Variants in ZNF143 observed in about 807,000 individuals in gnomAD.
The protein encoded by ZNF143 is SPH-binding factor.
ZNF143 carries 49 observed loss-of-function variants against 74.1 expected under a neutral mutation model. The observed-to-expected ratio is 0.66, with a 90% confidence interval of 0.53 to 0.84. The LOEUF (loss-of-function observed/expected upper bound fraction) is 0.84, where lower values mean the gene tolerates loss of function less well. Among genes scored for constraint, ZNF143 ranks in the 40% least tolerant of loss-of-function variants. The pLI, the probability that ZNF143 is intolerant of heterozygous loss-of-function variation, is 0.00. For missense variants in ZNF143, 637 were observed against 793.4 expected, an observed-to-expected ratio of 0.80 and a Z score of 2.37; for synonymous variants, 304 against 282.8, an observed-to-expected ratio of 1.07 and a Z score of -0.75.
chr11:9,494,559 C>T (rs1185371059), intron 7 of ZNF143, 87 bp from the exon 8 acceptor site: 3 of 1,374,832 alleles, frequency 2.2e-6, no homozygotes, highest in South Asian at 1.3e-5. Flanking sequence ...GATCCGCCTA[C>T]CTCTGCCTCC....
intron 7 of ZNF143, among the ~76,000 whole-genome samples, chr11:9,485,764 A>G (rs938502656): frequency 6.6e-6 from 1 of 151,582 alleles, no homozygotes; most frequent in Admixed American, 6.6e-5. Context: ...TAAAAATTCA[A>G]GTTGTTTTTA....
intron 6 of ZNF143, 30 bp from the exon 7 acceptor site, chr11:9,479,442 A>T (rs749371405): frequency 4.4e-5 from 69 of 1,580,994 alleles, no homozygotes; most frequent in Non-Finnish European, 5.3e-5. Flanking sequence ...AAAATGTAAA[A>T]CATTTTAAAG....
intron 7 of ZNF143, among the ~76,000 whole-genome samples, chr11:9,486,726 T>C (rs1847567998): frequency 6.7e-6 from 1 of 149,952 alleles, no homozygotes; most frequent in South Asian, 2.1e-4. Context: ...TGGAGTGCAG[T>C]GGTGTAATCT....
At chr11:9,500,590 T>C (rs1470895) in intron 10 of ZNF143, among the ~76,000 whole-genome samples, 76,511 of 151,398 alleles carry the variant, frequency 0.51, 19,590 homozygotes, top group Non-Finnish European at 0.53. Context: ...CCCGGCACCA[T>C]GCCCAGCTAA....
At chr11:9,493,158 C>T (rs1565045159) in intron 7 of ZNF143, among the ~76,000 whole-genome samples, 1 of 151,520 alleles carries the variant, frequency 6.6e-6, no homozygotes, top group Non-Finnish European at 1.5e-5. Flanking sequence ...TAACCTCCGC[C>T]TCCCAGGTTC....
In ZNF143 at chr11:9,497,815, A is replaced by G. The variant is rs1848014878; in HGVS notation, c.967+15A>G. ...AACTCATACAGGTACTAGTGGAAAC[A>G]GAGTGTCAAAATCTTTTTTTTTTTT... On this transcript the variant is annotated intron_variant, in intron 10 of 15. Transcript: ENST00000396602. The G allele has an allele frequency of 1.9e-6, 3 of 1,539,314 alleles. No homozygotes were observed. Among genetic ancestry groups the G allele is most frequent in the Admixed American group, 4.3e-5 (2 of 46,992 alleles).
At chr11:9,512,296 A>G in intron 12 of ZNF143, 152 bp from the exon 13 acceptor site, 1 of 895,304 alleles carries the variant, frequency 1.1e-6, no homozygotes, top group Non-Finnish European at 1.6e-6. Flanking sequence ...AGGTGGAGGA[A>G]TTGGAAGGAG....
At chr11:9,479,937 A>G (rs10840246) in intron 7 of ZNF143, among the ~76,000 whole-genome samples, 7,683 of 152,190 alleles carry the variant, frequency 0.05, 268 homozygotes, top group South Asian at 0.076. Flanking sequence ...TGCTTTTTGT[A>G]TTTTTAAATT....
Position 9,527,671 on chromosome 11 carries a change from A to G in ZNF143, c.*58A>G. The G allele has an allele frequency of 6.5e-7, 1 of 1,533,050 alleles. No individual in the cohort carries two copies. Among genetic ancestry groups the G allele is most frequent in the Non-Finnish European group, 9.0e-7 (1 of 1,108,696 alleles). The allele number at this position is 1,533,050 out of a possible 1,614,324, so 95.0% of individuals were successfully genotyped here. ...AGTCTTTCATCTTCTGGCAGCAGAA[A>G]TCCATGAAGCCCGGGCCCAGGAAAA... On this transcript the variant is annotated 3_prime_UTR_variant, in exon 16 of 16. Coordinates refer to ENST00000396602, the MANE Select transcript of ZNF143 (RefSeq NM_003442.6).
At chr11:9,493,935 A>C (rs1847871388) in intron 7 of ZNF143, among the ~76,000 whole-genome samples, 1 of 152,102 alleles carries the variant, frequency 6.6e-6, no homozygotes. Context: ...GAAATGACCT[A>C]CCCCTTTCTC....
chr11:9,502,487 A>G lies in ZNF143; in HGVS notation c.1147+1217A>G, dbSNP rs189176039. ...TAGCCGGGCATGGTGGCGGGTGCCT[A>G]TAGTCCCAGCTACTCCGGAGGCTGA... On this transcript the variant is annotated intron_variant, in intron 11 of 15. Transcript: ENST00000396602. 2.2e-3 allele frequency among the ~76,000 whole-genome samples: 334 copies of G among 150,588 alleles called. 2 individuals are homozygous for G. Among genetic ancestry groups the G allele is most frequent in the Non-Finnish European group, 3.9e-3 (261 of 67,612 alleles).
chr11:9,484,973 A>G (rs1026073432), intron 7 of ZNF143, among the ~76,000 whole-genome samples: 1 of 148,584 alleles, frequency 6.7e-6, no homozygotes, highest in Non-Finnish European at 1.5e-5. Flanking sequence ...AATTTTTTGT[A>G]TTTTTAGTAG....
Position 9,474,562 on chromosome 11 carries a change from T to A in ZNF143, c.302T>A (p.Leu101Ter). The A allele has an allele frequency of 6.2e-7, 1 of 1,614,138 alleles. No individual in the cohort carries two copies. The highest frequency in any genetic ancestry group is 8.5e-7 in the Non-Finnish European group (1 of 1,180,020). The change falls in exon 5 of 16, where the codon TTG (leucine) becomes TAG (stop). Residue 101 changes from leucine to a stop codon, truncating the protein, a stop_gained. Transcript: ENST00000396602. LOFTEE classifies it high-confidence loss of function. Reference sequence around the variant, plus strand: ...CATTGTTCTTGAGCAGGGGACAGTTTGCGTCTAGAGGATGGTCAAGCAGTA... The same window carrying A: ...CATTGTTCTTGAGCAGGGGACAGTTAGCGTCTAGAGGATGGTCAAGCAGTA... ...VPIPKSTGDS[L>*]RLEDGQAVQL... is the part of the protein sequence containing the mutation.
intron 14 of ZNF143, 76 bp from the exon 15 acceptor site, chr11:9,525,161 ATTG>A: frequency 6.6e-7 from 1 of 1,523,832 alleles, no homozygotes; most frequent in South Asian, 1.2e-5. Flanking sequence ...GAAGAAATCC[ATTG>A]TATTAAGTGG....
At chr11:9,482,699 T>G (rs1360410541) in intron 7 of ZNF143, among the ~76,000 whole-genome samples, 1 of 151,020 alleles carries the variant, frequency 6.6e-6, no homozygotes, top group African/African-American at 2.5e-5. Flanking sequence ...CCTTTGCCTT[T>G]TGTACCTCTT....
chr11:9,506,819 T>A (rs1324877108), intron 11 of ZNF143, among the ~76,000 whole-genome samples: 1 of 152,210 alleles, frequency 6.6e-6, no homozygotes, highest in Non-Finnish European at 1.5e-5. Context: ...TCTTTTTCTT[T>A]TTTTTTCTTT....
chr11:9,500,209 A>G (rs1848108777), intron 10 of ZNF143, among the ~76,000 whole-genome samples: 2 of 152,048 alleles, frequency 1.3e-5, no homozygotes, highest in African/African-American at 4.8e-5. Flanking sequence ...AGCCTCTCAA[A>G]GTGCTGGGAT....
chr11:9,527,033 CTG>C (rs1377321740), intron 15 of ZNF143, among the ~76,000 whole-genome samples: 1 of 152,166 alleles, frequency 6.6e-6, no homozygotes, highest in Non-Finnish European at 1.5e-5. Flanking sequence ...TGGGGTTTCA[CTG>C]TGTTAGCCAG....
chr11:9,490,273 A>T (rs564451105), intron 7 of ZNF143, among the ~76,000 whole-genome samples: 42 of 148,836 alleles, frequency 2.8e-4, no homozygotes, highest in African/African-American at 1.0e-3. Context: ...TAACACACTT[A>T]AGCTTTTTTT....
Sources: allele counts gnomAD v4.1 joint callset (sites outside exome capture counted in the v4.1 genomes callset), GRCh38; gene constraint gnomAD v4.1.1; transcripts MANE v1.5; gene names NCBI Gene and HGNC (gene_info 2026-07-23, HGNC 2026-07-21).